Variants in NUP155 observed in about 807,000 individuals in gnomAD.
NUP155 encodes the protein nucleoporin 155, also known as nuclear pore complex protein Nup155.
NUP155 carries 71 observed loss-of-function variants against 180.4 expected under a neutral mutation model. That is an observed-to-expected ratio of 0.39 (90% CI 0.33 to 0.48). The LOEUF is 0.48. NUP155 is among the 20% of genes least tolerant of loss of function. NUP155 has a pLI of 0.91. For synonymous variants in NUP155, 582 were observed against 559.5 expected (o/e 1.04, Z -0.57); for missense variants, 1,553 against 1,648.9 (o/e 0.94, Z 1.01).
intron 34 of NUP155, 44 bp downstream of exon 34, chr5:37,292,835 G>A: frequency 8.1e-7 from 1 of 1,231,440 alleles, no homozygotes; most frequent in Non-Finnish European, 1.2e-6. Context: ...TTTATTAGAA[G>A]CATTTAAAAG....
chr5:37,293,060 A>G, intron 33 of NUP155, 75 bp from the exon 34 acceptor site: 1 of 1,002,940 alleles, frequency 1.0e-6, no homozygotes, highest in South Asian at 1.3e-5. Flanking sequence ...ATACTAAAGT[A>G]GACATCAGGA....
chr5:37,353,152 T>C (rs932905243), intron 4 of NUP155, among the ~76,000 whole-genome samples: 3 of 151,834 alleles, frequency 2.0e-5, no homozygotes, highest in Admixed American at 1.3e-4. Context: ...TATAGAGATG[T>C]ATATTTGTAT....
At chr5:37,322,435 C>A (rs185119091) in intron 20 of NUP155, among the ~76,000 whole-genome samples, 1 of 152,050 alleles carries the variant, frequency 6.6e-6, no homozygotes, top group Non-Finnish European at 1.5e-5. Context: ...TGGCTGGGCG[C>A]GGTGGCTCAC....
chr5:37,320,336 G>C (rs1324906218), intron 20 of NUP155, among the ~76,000 whole-genome samples: 1 of 152,086 alleles, frequency 6.6e-6, no homozygotes, highest in African/African-American at 2.4e-5. Flanking sequence ...AATTAGCTGG[G>C]CGTGGTGGCT....
chr5:37,361,819 CT>C (rs746314493), intron 3 of NUP155, among the ~76,000 whole-genome samples: 1 of 152,116 alleles, frequency 6.6e-6, no homozygotes, highest in Non-Finnish European at 1.5e-5. Flanking sequence ...GATCAAATAT[CT>C]GTGTCCTCCT....
At chr5:37,330,201 T>C (rs1744867837) in intron 14 of NUP155, 69 bp from the exon 15 acceptor site, 1 of 1,061,796 alleles carries the variant, frequency 9.4e-7, no homozygotes, top group Non-Finnish European at 1.4e-6. Context: ...TACTGCTAGA[T>C]GCAGTATTAA....
intron 13 of NUP155, among the ~76,000 whole-genome samples, chr5:37,332,256 T>C (rs1224539091): frequency 8.6e-6 from 1 of 116,850 alleles, no homozygotes; most frequent in African/African-American, 3.1e-5. Context: ...AAGGACAAAA[T>C]AAAACTATCA....
At chr5:37,295,211 T>C (rs1449021162) in intron 32 of NUP155, among the ~76,000 whole-genome samples, 1 of 152,090 alleles carries the variant, frequency 6.6e-6, no homozygotes, top group Non-Finnish European at 1.5e-5. Context: ...CACGCCTGAC[T>C]GGTTTTCGTA....
chr5:37,325,301 T>C (rs765122401), intron 19 of NUP155, among the ~76,000 whole-genome samples: 2 of 152,208 alleles, frequency 1.3e-5, no homozygotes, highest in South Asian at 2.1e-4. Flanking sequence ...GCTTGAGTTA[T>C]CCCTCATGAC....
chr5:37,310,847 T>C (rs944192194), intron 22 of NUP155, 104 bp from the exon 23 acceptor site: 3 of 964,568 alleles, frequency 3.1e-6, no homozygotes, highest in South Asian at 1.8e-5. Context: ...TAATAGACTC[T>C]ATAATTGAAA....
Position 37,336,409 on chromosome 5 carries a change from C to A in NUP155, c.1347+1409G>T, listed in dbSNP as rs937046445. ...GGTGGGAGGACTGCTTGGGCCTGGGCAACAGGGTGAGATGCTGTCTTTTAA... is the reference window on the plus strand; with the variant it reads ...GGTGGGAGGACTGCTTGGGCCTGGGAAACAGGGTGAGATGCTGTCTTTTAA... On this transcript the variant is annotated intron_variant, in intron 12 of 34. Coordinates refer to ENST00000231498, the MANE Select transcript of NUP155 (RefSeq NM_153485.3). 3.3e-5 allele frequency among the ~76,000 whole-genome samples: 5 copies of A among 150,710 alleles called. No individual in the cohort carries two copies. In the East Asian group the frequency reaches 9.8e-4, roughly 29 times the overall value.
chr5:37,368,671 T>C (rs953579131), intron 1 of NUP155, among the ~76,000 whole-genome samples: 1 of 151,696 alleles, frequency 6.6e-6, no homozygotes, highest in African/African-American at 2.4e-5. Flanking sequence ...AATAGAAAAA[T>C]GAGCCAGTGG....
rs900036017 is a variant in NUP155 at position 37,290,857 on chromosome 5, A to G, written c.*1043T>C. 48 of 152,320 alleles carry G rather than the reference A, an allele frequency of 3.2e-4. No individual in the cohort carries two copies. Among genetic ancestry groups the G allele is most frequent in the African/African-American group, 1.1e-3 (44 of 41,576 alleles). The allele number at this position is 152,320 out of a possible 1,614,324, so 9.4% of individuals were successfully genotyped here. A position where few individuals can be genotyped will look rare whatever the true frequency, so the allele number is the denominator to read the frequency against. On this transcript the variant is annotated 3_prime_UTR_variant, in exon 35 of 35. Transcript: ENST00000231498. ...TTCAGTAGGTCTGGGTTGGGGCTCG[A>G]GAATTTGCATTTCTAACAAATTCCT...
chr5:37,358,846 G>A (rs1429591374), intron 3 of NUP155, among the ~76,000 whole-genome samples: 6 of 152,128 alleles, frequency 3.9e-5, no homozygotes, highest in Admixed American at 2.6e-4. Context: ...GTGAAACCCC[G>A]TCTCTACTAA....
intron 21 of NUP155, among the ~76,000 whole-genome samples, chr5:37,316,357 C>A (rs190745402): frequency 6.6e-6 from 1 of 152,214 alleles, no homozygotes; most frequent in Admixed American, 6.5e-5. Flanking sequence ...TAATAGGGTA[C>A]CCAGAGTTGT....
chr5:37,327,060 T>C (rs1744644736), intron 18 of NUP155: 1 of 154,450 alleles, frequency 6.5e-6, no homozygotes, highest in South Asian at 2.0e-4. Flanking sequence ...CTCTTCCTTA[T>C]GATTTTCTTA....
At chr5:37,295,903 C>A (rs1742524310) in intron 32 of NUP155, among the ~76,000 whole-genome samples, 1 of 148,064 alleles carries the variant, frequency 6.8e-6, no homozygotes, top group Non-Finnish European at 1.5e-5. Context: ...GCCTGGCCAG[C>A]CGCCCCGTCC....
At chr5:37,342,511 G>C (rs780527369) in intron 10 of NUP155, 38 bp downstream of exon 10, 1 of 1,253,418 alleles carries the variant, frequency 8.0e-7, no homozygotes, top group Non-Finnish European at 1.2e-6. Context: ...TTCAGAAGTT[G>C]TAACAGTAAT....
intron 30 of NUP155, among the ~76,000 whole-genome samples, chr5:37,300,503 T>G (rs150620): frequency 0.027 from 4,099 of 152,268 alleles, 201 homozygotes; most frequent in African/African-American, 0.093. Context: ...TCAAAGTGTT[T>G]CAGGGTACCT....
Sources: gnomAD v4.1 joint callset for allele counts (sites outside exome capture counted in the v4.1 genomes callset) on GRCh38, gnomAD v4.1.1 for gene constraint, MANE v1.5 for transcripts, NCBI Gene and HGNC (gene_info 2026-07-23, HGNC 2026-07-21) for gene names.